INPP5D: variants seen among roughly 807,000 people sequenced by gnomAD.
INPP5D encodes phosphatidylinositol 3,4,5-trisphosphate 5-phosphatase 1.
Under a neutral mutation model 122.9 loss-of-function variants are expected in INPP5D, and 33 were observed. That is an observed-to-expected ratio of 0.27 (90% confidence interval 0.20 to 0.36). INPP5D has a LOEUF of 0.36. Among genes scored for constraint, INPP5D ranks in the 10% least tolerant of loss-of-function variants. The pLI, the probability that INPP5D is intolerant of heterozygous loss-of-function variation, is 1.00. For missense variants in INPP5D, 1,053 were observed against 1,412.7 expected (o/e 0.75, Z 4.08); for synonymous variants, 584 against 576.2 (o/e 1.01, Z -0.19).
At chr2:233,138,521 T>C (rs1693557586) in intron 5 of INPP5D, among the ~76,000 whole-genome samples, 1 of 152,040 alleles carries the variant, frequency 6.6e-6, no homozygotes, top group African/African-American at 2.4e-5. Context: ...TCATCCGTAT[T>C]GAAGTGCAAT....
intron 2 of INPP5D, among the ~76,000 whole-genome samples, chr2:233,081,660 C>T (rs1215400131): frequency 1.3e-5 from 2 of 152,270 alleles, no homozygotes; most frequent in South Asian, 2.1e-4. Flanking sequence ...GGAACAGAAA[C>T]TCGCCTTGGC....
chr2:233,077,551 T>C (rs917494823), intron 1 of INPP5D, among the ~76,000 whole-genome samples: 4 of 151,352 alleles, frequency 2.6e-5, no homozygotes, highest in African/African-American at 7.3e-5. Flanking sequence ...CCCAGCTACT[T>C]GAGAGGCTGA....
chr2:233,093,902 C>T lies in INPP5D; in HGVS notation c.198+14504C>T, dbSNP rs531962252. ...GCCACACTCCCTTGGCAGAAGAACA[C>T]GCTATGCATGCCTCCTGAGCACCCT... On this transcript the variant is annotated intron_variant, in intron 2 of 26. Transcript: ENST00000445964. 9.9e-5 allele frequency among the ~76,000 whole-genome samples: 15 copies of T among 152,226 alleles called. No individual in the cohort carries two copies. In the East Asian group the frequency reaches 2.3e-3, roughly 24 times the overall value.
chr2:233,159,139 G>A (rs36164374), intron 10 of INPP5D, among the ~76,000 whole-genome samples: 52,837 of 151,994 alleles, frequency 0.35, 11,370 homozygotes, highest in Non-Finnish European at 0.48. Flanking sequence ...ACTTTGCCCC[G>A]CTCTGCAGAA....
chr2:233,065,647 CTTT>C (rs1314113368), intron 1 of INPP5D, among the ~76,000 whole-genome samples: 2 of 9,504 alleles, frequency 2.1e-4, no homozygotes, highest in Non-Finnish European at 3.9e-4. Context: ...TTCTTTCTTT[CTTT>C]CTTTTTTTTT....
chr2:233,173,754 A>G (rs755406577), intron 17 of INPP5D, among the ~76,000 whole-genome samples: 2 of 152,138 alleles, frequency 1.3e-5, no homozygotes, highest in Non-Finnish European at 2.9e-5. Context: ...CAACATGGCA[A>G]AACTCTTGTC....
chr2:233,157,118 G>A (rs1694075265), intron 9 of INPP5D, among the ~76,000 whole-genome samples: 1 of 152,200 alleles, frequency 6.6e-6, no homozygotes, highest in Non-Finnish European at 1.5e-5. Flanking sequence ...AGACACGCAA[G>A]GCCTCTAAAA....
intron 9 of INPP5D, among the ~76,000 whole-genome samples, chr2:233,153,691 A>C (rs185886530): frequency 2.6e-5 from 4 of 152,268 alleles, no homozygotes; most frequent in Non-Finnish European, 2.9e-5. Context: ...CCAACAGATC[A>C]CACTCCACTC....
intron 2 of INPP5D, among the ~76,000 whole-genome samples, chr2:233,106,572 C>T (rs1001443672): frequency 1.3e-5 from 2 of 152,242 alleles, no homozygotes; most frequent in Admixed American, 1.3e-4. Flanking sequence ...GGCTGCAAAG[C>T]CCTGCAGCAG....
intron 5 of INPP5D, among the ~76,000 whole-genome samples, chr2:233,131,657 G>A (rs1164677321): frequency 5.9e-5 from 9 of 152,158 alleles, no homozygotes; most frequent in African/African-American, 1.9e-4. Context: ...CCGAGATCTC[G>A]CCACTGCACT....
intron 6 of INPP5D, among the ~76,000 whole-genome samples, chr2:233,143,388 C>G (rs1693670318): frequency 6.6e-6 from 1 of 152,106 alleles, no homozygotes; most frequent in Non-Finnish European, 1.5e-5. Context: ...TGGTGACTGC[C>G]CGGGGTGAAG....
rs367582064 is a variant in INPP5D at position 233,146,187 on chromosome 2, A to G, written c.779A>G (p.Asn260Ser). 4 of 704,162 alleles carry G rather than the reference A, an allele frequency of 5.7e-6. No homozygotes were observed. Among genetic ancestry groups the G allele is most frequent in the Non-Finnish European group, 7.8e-6 (3 of 385,016 alleles). The allele number at this position is 704,162 out of a possible 1,614,324, so 43.6% of individuals were successfully genotyped here. The change falls in exon 7 of 27, where the codon AAC becomes AGC. Residue 260 changes from asparagine to serine, a missense_variant. Coordinates refer to ENST00000445964, the MANE Select transcript of INPP5D (RefSeq NM_001017915.3). ...GTTCCTGGTGAGGCCAATCCCATCAACATGGTGTCCAAGCTCAGCCAACTG... is the reference window on the plus strand; with the variant it reads ...GTTCCTGGTGAGGCCAATCCCATCAGCATGGTGTCCAAGCTCAGCCAACTG... ...PQVPGEANPI[N>S]MVSKLSQLTS...
intron 2 of INPP5D, among the ~76,000 whole-genome samples, chr2:233,104,321 GA>G (rs960071286): frequency 6.6e-6 from 1 of 152,142 alleles, no homozygotes. Context: ...GAAGCTGTTT[GA>G]GTACTCAAAA....
At chr2:233,166,262 G>A (rs924137556) in intron 13 of INPP5D, among the ~76,000 whole-genome samples, 1 of 152,146 alleles carries the variant, frequency 6.6e-6, no homozygotes, top group African/African-American at 2.4e-5. Flanking sequence ...ACCTCCTAGG[G>A]CCACATAAAA....
chr2:233,165,705 T>C (rs1173639969), intron 13 of INPP5D, among the ~76,000 whole-genome samples: 1 of 152,136 alleles, frequency 6.6e-6, no homozygotes. Context: ...AGTCCATGTA[T>C]GAGTGTACCA....
intron 2 of INPP5D, among the ~76,000 whole-genome samples, chr2:233,115,582 G>A (rs1405421516): frequency 6.6e-6 from 1 of 152,134 alleles, no homozygotes; most frequent in Admixed American, 6.6e-5. Context: ...CAGGGCCACA[G>A]GCAGCCCCTC....
chr2:233,103,123 G>T (rs1455792087), intron 2 of INPP5D, among the ~76,000 whole-genome samples: 2 of 152,182 alleles, frequency 1.3e-5, no homozygotes, highest in Middle Eastern at 3.4e-3. Context: ...ATGCTGCTGC[G>T]TGCACAGCAA....
intron 2 of INPP5D, among the ~76,000 whole-genome samples, chr2:233,080,556 CA>C (rs1270671797): frequency 3.3e-5 from 5 of 151,756 alleles, no homozygotes; most frequent in African/African-American, 1.2e-4. Flanking sequence ...CCGGGGTCGA[CA>C]AAGGTTTGGA....
At chr2:233,182,079 G>A (rs1044716214) in intron 18 of INPP5D, among the ~76,000 whole-genome samples, 3 of 152,166 alleles carry the variant, frequency 2.0e-5, no homozygotes, top group Non-Finnish European at 4.4e-5. Context: ...CTGGGCAACA[G>A]AACAAGATTC....
Sources: gnomAD v4.1 joint callset for allele counts (sites outside exome capture counted in the v4.1 genomes callset) on GRCh38, gnomAD v4.1.1 for gene constraint, MANE v1.5 for transcripts, NCBI Gene and HGNC (gene_info 2026-07-23, HGNC 2026-07-21) for gene names.